TRDN: variants seen among roughly 807,000 people sequenced by gnomAD.
TRDN encodes the protein triadin in skeletal muscle.
TRDN carries 161 observed loss-of-function variants against 149.7 expected under a neutral mutation model. That is an observed-to-expected ratio of 1.08 (90% CI 0.95 to 1.23). The LOEUF (loss-of-function observed/expected upper bound fraction) is 1.23. Among genes scored for constraint, TRDN ranks in the 50% most tolerant of loss-of-function variants. The probability of loss-of-function intolerance (pLI) is 0.00; values close to 1 mark genes in which losing one functional copy is unlikely to be tolerated. For missense variants in TRDN, 896 were observed against 823.5 expected (o/e 1.09, Z -1.08); for synonymous variants, 294 against 250.5 (o/e 1.17, Z -1.64).
At chr6:123,312,236 G>C (rs993876663) in intron 24 of TRDN, among the ~76,000 whole-genome samples, 1 of 151,902 alleles carries the variant, frequency 6.6e-6, no homozygotes, top group Non-Finnish European at 1.5e-5. Context: ...AAAAAAGTTA[G>C]ACAGAAATTA....
intron 1 of TRDN, among the ~76,000 whole-genome samples, chr6:123,613,839 A>G (rs1013870527): frequency 7.2e-5 from 11 of 152,196 alleles, no homozygotes; most frequent in Admixed American, 2.6e-4. Flanking sequence ...ACAAATAACC[A>G]GTATTGTGAA....
At chr6:123,558,405 T>G (rs966638255) in intron 2 of TRDN, among the ~76,000 whole-genome samples, 2 of 152,156 alleles carry the variant, frequency 1.3e-5, no homozygotes, top group African/African-American at 4.8e-5. Context: ...AGTTGCATTC[T>G]GTGACTAGCC....
chr6:123,308,088 C>T (rs780146535), intron 24 of TRDN, among the ~76,000 whole-genome samples: 1 of 151,992 alleles, frequency 6.6e-6, no homozygotes, highest in African/African-American at 2.4e-5. Context: ...GTTTAGCTCC[C>T]AGTTATAACT....
chr6:123,599,480 CTA>C (rs562365879), intron 1 of TRDN, among the ~76,000 whole-genome samples: 138 of 152,194 alleles, frequency 9.1e-4, no homozygotes, highest in Non-Finnish European at 1.7e-3. Flanking sequence ...ATAGGTAAAA[CTA>C]TGCATTTTCA....
chr6:123,376,744 G>A (rs546965775), intron 18 of TRDN, among the ~76,000 whole-genome samples: 35 of 152,158 alleles, frequency 2.3e-4, no homozygotes, highest in South Asian at 1.7e-3. Context: ...GTAGTTTTCC[G>A]TGGTTTGTGG....
intron 1 of TRDN, among the ~76,000 whole-genome samples, chr6:123,635,192 C>T (rs889866101): frequency 2.0e-5 from 3 of 151,942 alleles, no homozygotes; most frequent in African/African-American, 7.2e-5. Flanking sequence ...ACATAGCTTT[C>T]TTTAAGGCAA....
At chr6:123,489,687 A>T (rs1778127327) in intron 9 of TRDN, 1 of 152,112 alleles carries the variant, frequency 6.6e-6, no homozygotes, top group South Asian at 2.1e-4. Flanking sequence ...GAACTGTTTC[A>T]TCATTACTCA....
At chr6:123,264,127 T>C (rs1336527845) in intron 33 of TRDN, among the ~76,000 whole-genome samples, 1 of 152,070 alleles carries the variant, frequency 6.6e-6, no homozygotes, top group Non-Finnish European at 1.5e-5. Context: ...TCTTATTACT[T>C]AATAAGTACA....
chr6:123,239,111 T>A (rs112424581), intron 38 of TRDN, among the ~76,000 whole-genome samples: 8,246 of 152,234 alleles, frequency 0.054, 667 homozygotes, highest in African/African-American at 0.19. Flanking sequence ...AGTGCTGGGA[T>A]TACAGGCGTG....
chr6:123,249,907 C>T (rs923419573), intron 38 of TRDN, among the ~76,000 whole-genome samples: 1 of 152,118 alleles, frequency 6.6e-6, no homozygotes, highest in Non-Finnish European at 1.5e-5. Flanking sequence ...ATAATTCAAA[C>T]TATCCCACTT....
At chr6:123,349,872 C>A in intron 21 of TRDN, 1 of 985,330 alleles carries the variant, frequency 1.0e-6, no homozygotes, top group Non-Finnish European at 1.2e-6. Context: ...ACAAAGCTTG[C>A]AATAGCACTT....
intron 23 of TRDN, among the ~76,000 whole-genome samples, chr6:123,331,499 T>A (rs1779656420): frequency 6.6e-6 from 1 of 152,092 alleles, no homozygotes. Context: ...ACTTACAGAA[T>A]CAAAAGATTT....
At chr6:123,544,835 A>G (rs1304794630) in intron 4 of TRDN, among the ~76,000 whole-genome samples, 1 of 152,038 alleles carries the variant, frequency 6.6e-6, no homozygotes, top group African/African-American at 2.4e-5. Context: ...ATATTTATAT[A>G]TAACAACAGA....
intron 9 of TRDN, among the ~76,000 whole-genome samples, chr6:123,487,396 A>G (rs913231440): frequency 5.3e-5 from 8 of 152,074 alleles, no homozygotes; most frequent in South Asian, 2.1e-4. Flanking sequence ...TAAGTCACAC[A>G]TAGTGCTCAT....
chr6:123,320,568 TA>T (rs11285918), intron 23 of TRDN, among the ~76,000 whole-genome samples: 22,695 of 151,972 alleles, frequency 0.15, 1,809 homozygotes, highest in South Asian at 0.22. Flanking sequence ...TGTTTAAATA[TA>T]TACTCCCTAG....
In TRDN at chr6:123,505,671, C is replaced by A. The variant is rs546309387; in HGVS notation, c.611-1770G>T. Among the ~76,000 whole-genome samples the A allele has an allele frequency of 7.9e-5, 12 of 151,524 alleles. No homozygotes were observed. In the South Asian group the frequency reaches 2.5e-3, roughly 32 times the overall value. ...TTCAATATTGTTTAATCATAAAATT[C>A]TCATACAAATATTACTCAATTACTC... On this transcript the variant is annotated intron_variant, in intron 7 of 40. Transcript: ENST00000334268.
chr6:123,412,807 T>C (rs965076889), intron 12 of TRDN, among the ~76,000 whole-genome samples: 4 of 152,060 alleles, frequency 2.6e-5, no homozygotes, highest in African/African-American at 4.8e-5. Flanking sequence ...TAAATAATAA[T>C]GGTAAATCCT....
At chr6:123,359,670 A>T (rs1461832023) in intron 20 of TRDN, among the ~76,000 whole-genome samples, 1 of 152,066 alleles carries the variant, frequency 6.6e-6, no homozygotes, top group East Asian at 1.9e-4. Flanking sequence ...GTTAAGAAAG[A>T]TTGAATGTGA....
rs1780293594 is a variant in TRDN, at chr6:123,347,362, C to T, written c.1369+5177G>A. On this transcript the variant is annotated intron_variant, in intron 21 of 40. Transcript: ENST00000334268. ...TCTCCAGAGACATTAAGTTCTTCTG[C>T]CCCATTTTTTATAGTTTTTTTTCTG... 5.9e-5 allele frequency among the ~76,000 whole-genome samples: 9 copies of T among 152,064 alleles called. No homozygotes were observed. The South Asian group carries it at 1.9e-3, about 32-fold the overall frequency.
Sources: gnomAD v4.1 joint callset for allele counts (sites outside exome capture counted in the v4.1 genomes callset) on GRCh38, gnomAD v4.1.1 for gene constraint, MANE v1.5 for transcripts, NCBI Gene and HGNC (gene_info 2026-07-23, HGNC 2026-07-21) for gene names.